The following TMTC2 variants were observed in gnomAD, a reference collection of about 807,000 sequenced individuals.
TMTC2 encodes transmembrane O-mannosyltransferase targeting cadherins 2.
In TMTC2, 43 loss-of-function variants were observed where a neutral mutation model predicts 82.4. The observed-to-expected ratio is 0.52, with a 90% CI of 0.41 to 0.67. TMTC2 has a LOEUF of 0.67. Among genes scored for constraint, TMTC2 ranks in the 30% least tolerant of loss-of-function variants. The pLI, the probability that TMTC2 is intolerant of heterozygous loss-of-function variation, is 0.00. For missense variants in TMTC2, 919 were observed against 1,012.4 expected (o/e 0.91, Z 1.25); for synonymous variants, 408 against 381.9 (o/e 1.07, Z -0.80).
chr12:82,735,617 T>C lies in TMTC2; in HGVS notation c.83+47948T>C, dbSNP rs933499734. Among the ~76,000 whole-genome samples, 4 of 151,758 alleles carry C rather than the reference T, an allele frequency of 2.6e-5. No individual in the cohort carries two copies. The South Asian group carries it at 8.4e-4, about 32-fold the overall frequency. On this transcript the variant is annotated intron_variant, in intron 1 of 11. Coordinates refer to ENST00000321196, the MANE Select transcript of TMTC2 (RefSeq NM_152588.3). ...TCCTTGGCCTCCCAAAGTGCTGGGA[T>C]TACAGGCGTGAGCCACCGCACCCAG...
At chr12:82,988,886 C>T (rs1227634868) in intron 8 of TMTC2, among the ~76,000 whole-genome samples, 6 of 147,018 alleles carry the variant, frequency 4.1e-5, no homozygotes, top group Admixed American at 1.4e-4. Flanking sequence ...CTTAGGAATT[C>T]GATTCAGCTT....
intron 8 of TMTC2, among the ~76,000 whole-genome samples, chr12:82,996,163 A>T: frequency 6.6e-6 from 1 of 152,222 alleles, no homozygotes; most frequent in Admixed American, 6.5e-5. Flanking sequence ...AAAAGATTTA[A>T]GTATTTGTAT....
At chr12:82,784,379 T>A (rs1878070754) in intron 1 of TMTC2, among the ~76,000 whole-genome samples, 1 of 152,112 alleles carries the variant, frequency 6.6e-6, no homozygotes, top group East Asian at 1.9e-4. Flanking sequence ...AAAGGATACA[T>A]GAAATTGACA....
chr12:83,086,414 T>A (rs935714707), intron 11 of TMTC2, among the ~76,000 whole-genome samples: 1 of 152,194 alleles, frequency 6.6e-6, no homozygotes, highest in Non-Finnish European at 1.5e-5. Flanking sequence ...CAGTTAAGAT[T>A]GAGGACCTCT....
At chr12:83,046,573 T>A (rs977242444) in intron 9 of TMTC2, among the ~76,000 whole-genome samples, 1 of 152,180 alleles carries the variant, frequency 6.6e-6, no homozygotes, top group African/African-American at 2.4e-5. Flanking sequence ...AGTTTCTCTT[T>A]CCTTTAGTCC....
At chr12:82,984,858 C>A (rs1344104693) in intron 7 of TMTC2, among the ~76,000 whole-genome samples, 4 of 151,940 alleles carry the variant, frequency 2.6e-5, no homozygotes, top group African/African-American at 9.7e-5. Context: ...TTTTATCCTG[C>A]TCTGCTGTTA....
intron 1 of TMTC2, among the ~76,000 whole-genome samples, chr12:82,705,834 G>T (rs2136905325): frequency 6.6e-6 from 1 of 152,238 alleles, no homozygotes; most frequent in South Asian, 2.1e-4. Flanking sequence ...TAATCTCAAA[G>T]AGCTTAGGGT....
chr12:82,958,380 CAAAAA>C (rs1877736581), intron 4 of TMTC2, among the ~76,000 whole-genome samples: 1 of 75,298 alleles, frequency 1.3e-5, no homozygotes, highest in Non-Finnish European at 2.6e-5. Flanking sequence ...ACAAAAAAAA[CAAAAA>C]AACTACTGAC....
chr12:82,912,561 T>C (rs1427608377), intron 3 of TMTC2, among the ~76,000 whole-genome samples: 2 of 152,216 alleles, frequency 1.3e-5, no homozygotes, highest in East Asian at 3.9e-4. Flanking sequence ...CAAACAAGTT[T>C]TGATGGTTTG....
chr12:82,864,499 T>C (rs923559887), intron 2 of TMTC2, among the ~76,000 whole-genome samples: 3 of 137,164 alleles, frequency 2.2e-5, no homozygotes, highest in Non-Finnish European at 4.6e-5. Context: ...TCACATTCTT[T>C]TTTTTTTTTT....
chr12:82,894,235 G>A (rs975509786), intron 2 of TMTC2, among the ~76,000 whole-genome samples: 3 of 152,012 alleles, frequency 2.0e-5, no homozygotes, highest in African/African-American at 7.3e-5. Context: ...GGAGGGTGAA[G>A]GTACAGTCAT....
chr12:82,791,796 C>G (rs949092464), intron 1 of TMTC2, among the ~76,000 whole-genome samples: 7 of 152,092 alleles, frequency 4.6e-5, no homozygotes, highest in Non-Finnish European at 7.4e-5. Context: ...TTTTGAGACA[C>G]TTTTTGAGAA....
chr12:82,736,863 A>C (rs1875152623), intron 1 of TMTC2, among the ~76,000 whole-genome samples: 1 of 152,220 alleles, frequency 6.6e-6, no homozygotes, highest in Non-Finnish European at 1.5e-5. Flanking sequence ...ACATTAATGA[A>C]TATCCCAGTT....
intron 4 of TMTC2, among the ~76,000 whole-genome samples, chr12:82,947,325 ATT>A (rs11416434): frequency 4.7e-5 from 7 of 147,640 alleles, no homozygotes; most frequent in Non-Finnish European, 1.5e-5. Flanking sequence ...GCAGAGTGCA[ATT>A]TTTTTTTCTT....
rs571983854 is a variant in TMTC2, at chr12:82,908,358, T to A, written c.1483+11712T>A. ...TTTTTTCACCATTGATTTTATGTAC[T>A]TACAGTTTTTTCTGTAGGTAACTTT... On this transcript the variant is annotated intron_variant, in intron 3 of 11. Transcript: ENST00000321196. 3.4e-5 allele frequency among the ~76,000 whole-genome samples: 5 copies of A among 147,080 alleles called. No individual in the cohort carries two copies. The East Asian group carries it at 1.0e-3, about 30-fold the overall frequency.
At chr12:82,800,930 C>T (rs1592532099) in intron 1 of TMTC2, among the ~76,000 whole-genome samples, 1 of 152,094 alleles carries the variant, frequency 6.6e-6, no homozygotes, top group South Asian at 2.1e-4. Flanking sequence ...CATTGGCATG[C>T]TTAGTAAACA....
chr12:82,763,594 G>T (rs537614779), intron 1 of TMTC2, among the ~76,000 whole-genome samples: 1 of 152,136 alleles, frequency 6.6e-6, no homozygotes, highest in Non-Finnish European at 1.5e-5. Flanking sequence ...TATGTCAAAG[G>T]CTTTTCAAGT....
intron 11 of TMTC2, among the ~76,000 whole-genome samples, chr12:83,071,749 CG>C (rs1883122740): frequency 6.6e-6 from 1 of 151,916 alleles, no homozygotes; most frequent in Non-Finnish European, 1.5e-5. Flanking sequence ...GTATCTTTCC[CG>C]GAATTTATCC....
At chr12:83,030,239 T>C (rs1158447693) in intron 8 of TMTC2, among the ~76,000 whole-genome samples, 1 of 152,210 alleles carries the variant, frequency 6.6e-6, no homozygotes, top group African/African-American at 2.4e-5. Flanking sequence ...CTCTTCTTAG[T>C]ACCCTTGGAT....
Sources: allele counts gnomAD v4.1 joint callset (sites outside exome capture counted in the v4.1 genomes callset), GRCh38; gene constraint gnomAD v4.1.1; transcripts MANE v1.5; gene names NCBI Gene and HGNC (gene_info 2026-07-23, HGNC 2026-07-21).